The following MBNL2 variants were observed in gnomAD, a reference collection of about 807,000 sequenced individuals.
MBNL2 encodes muscleblind-like protein 2.
A neutral mutation model predicts 41.9 loss-of-function variants in MBNL2; 17 were observed. That is an observed-to-expected ratio of 0.41 (90% CI 0.28 to 0.61). The LOEUF (loss-of-function observed/expected upper bound fraction) is 0.61. Ranked by LOEUF, MBNL2 falls within the 20% of genes least tolerant of loss-of-function variation. MBNL2 has a pLI of 0.35. For synonymous variants in MBNL2, 195 were observed against 182.9 expected (o/e 1.07, Z -0.53); for missense variants, 336 against 505.6 (o/e 0.66, Z 3.22).
At chr13:97,267,467 G>C (rs1012199252) in intron 1 of MBNL2, among the ~76,000 whole-genome samples, 2 of 152,178 alleles carry the variant, frequency 1.3e-5, no homozygotes, top group Non-Finnish European at 2.9e-5. Flanking sequence ...TCGAACTTCA[G>C]TCTTGCCTTT....
chr13:97,320,899 G>A (rs916035628), intron 2 of MBNL2, among the ~76,000 whole-genome samples: 2 of 151,992 alleles, frequency 1.3e-5, no homozygotes, highest in South Asian at 2.1e-4. Flanking sequence ...TGGGCGACAG[G>A]ATAAGACTCT....
chr13:97,221,903 G>A (rs1356878829), upstream of MBNL2, among the ~76,000 whole-genome samples: 1 of 152,188 alleles, frequency 6.6e-6, no homozygotes, highest in African/African-American at 2.4e-5. Flanking sequence ...GGCAGACGTT[G>A]AATTATTTTT....
At chr13:97,288,578 G>T (rs1248053756) in intron 2 of MBNL2, among the ~76,000 whole-genome samples, 1 of 152,178 alleles carries the variant, frequency 6.6e-6, no homozygotes, top group Non-Finnish European at 1.5e-5. Context: ...GCATGCCCCT[G>T]GGACTGGGGA....
At chr13:97,293,342 T>C (rs1044825126) in intron 2 of MBNL2, among the ~76,000 whole-genome samples, 9 of 152,310 alleles carry the variant, frequency 5.9e-5, no homozygotes, top group Non-Finnish European at 1.2e-4. Flanking sequence ...TTTTTCTTTT[T>C]CCTTTGAAAT....
intron 8 of MBNL2, among the ~76,000 whole-genome samples, chr13:97,369,114 T>C (rs988175916): frequency 1.1e-4 from 17 of 152,206 alleles, no homozygotes; most frequent in Non-Finnish European, 1.2e-4. Context: ...TCTTTATGTA[T>C]TTTCAATAAG....
At chr13:97,367,337 G>T (rs1324918201) in intron 8 of MBNL2, among the ~76,000 whole-genome samples, 2 of 152,282 alleles carry the variant, frequency 1.3e-5, no homozygotes, top group Middle Eastern at 3.4e-3. Context: ...AGGAGACAGC[G>T]TGAGGGTGAG....
At position 97,334,008 on chromosome 13, in the gene MBNL2, AAGAG is replaced by A. The variant is rs144525170; in HGVS notation, c.175-261_175-258del. ...GGAGGGAAAGAAAGAGAAAGAGAGA[AAGAG>A]AGAGAGGGAGGGAGGGAGGGAAAAA... On this transcript the variant is annotated intron_variant, in intron 2 of 8. Transcript: ENST00000679496. The surrounding 1 kb of genome is among the most constrained non-coding windows in gnomAD (Gnocchi z 5.3). 4.2e-5 allele frequency among the ~76,000 whole-genome samples: 6 copies of A among 141,648 alleles called. No homozygotes were observed. In the South Asian group the frequency reaches 1.4e-3, roughly 34 times the overall value. 92.9% of individuals were successfully genotyped at this position (141,648 alleles called of 152,430 possible).
the MBNL2 span, among the ~76,000 whole-genome samples, chr13:97,189,266 ATC>A: frequency 6.6e-6 from 1 of 152,288 alleles, no homozygotes; most frequent in Admixed American, 6.5e-5. Flanking sequence ...AATTACCTGT[ATC>A]TCTCACTCAT....
At chr13:97,382,615 C>A (rs2065564075) in intron 8 of MBNL2, among the ~76,000 whole-genome samples, 1 of 152,060 alleles carries the variant, frequency 6.6e-6, no homozygotes, top group African/African-American at 2.4e-5. Flanking sequence ...GCCACCAGAC[C>A]CATTCACACC....
At chr13:97,388,518 CTCCCGCCAG>C (rs1308411945) in intron 8 of MBNL2, among the ~76,000 whole-genome samples, 1 of 152,080 alleles carries the variant, frequency 6.6e-6, no homozygotes, top group African/African-American at 2.4e-5. Context: ...TCTCCTCTCC[CTCCCGCCAG>C]TCCCCACAAG....
At chr13:97,384,317 C>G (rs756442478) in intron 8 of MBNL2, among the ~76,000 whole-genome samples, 14 of 152,202 alleles carry the variant, frequency 9.2e-5, no homozygotes, top group South Asian at 4.1e-4. Flanking sequence ...ACCATATATT[C>G]ACTAAGAGAC....
intron 7 of MBNL2, among the ~76,000 whole-genome samples, chr13:97,364,910 A>T (rs1235000029): frequency 6.6e-6 from 1 of 152,240 alleles, no homozygotes; most frequent in Non-Finnish European, 1.5e-5. Context: ...TATGAATAGA[A>T]AGTGTGAACA....
upstream of MBNL2, among the ~76,000 whole-genome samples, chr13:97,218,440 C>CAAAAAAAA (rs372883729): frequency 2.5e-5 from 3 of 117,966 alleles, no homozygotes; most frequent in South Asian, 2.6e-4. Context: ...CAAAACAAAA[C>CAAAAAAAA]AAAAAAAAAA....
chr13:97,238,107 A>C (rs1477048931), intron 1 of MBNL2, among the ~76,000 whole-genome samples: 3 of 152,236 alleles, frequency 2.0e-5, no homozygotes, highest in Non-Finnish European at 2.9e-5. Flanking sequence ...CTGATCATTA[A>C]GAGTTTGAAG....
chr13:97,285,831 G>A (rs143631468), intron 2 of MBNL2, among the ~76,000 whole-genome samples: 1 of 152,024 alleles, frequency 6.6e-6, no homozygotes, highest in Non-Finnish European at 1.5e-5. Context: ...CTCTCATCTG[G>A]TTTTCACCTC....
At chr13:97,173,135 G>T in the MBNL2 span, among the ~76,000 whole-genome samples, 1 of 152,170 alleles carries the variant, frequency 6.6e-6, no homozygotes, top group African/African-American at 2.4e-5. Flanking sequence ...ATAATATAAC[G>T]ATGAATGGAT....
chr13:97,193,043 C>T, the MBNL2 span, among the ~76,000 whole-genome samples: 4 of 152,198 alleles, frequency 2.6e-5, no homozygotes, highest in African/African-American at 7.2e-5. Context: ...TCTAAAGAAC[C>T]CTGACATTTT....
the MBNL2 span, among the ~76,000 whole-genome samples, chr13:97,152,369 G>GA: frequency 1.3e-5 from 2 of 151,454 alleles, no homozygotes; most frequent in South Asian, 2.1e-4. Context: ...AAACAGAGAG[G>GA]AAAAAAAATC....
At chr13:97,213,504 C>T in the MBNL2 span, among the ~76,000 whole-genome samples, 3,824 of 152,224 alleles carry the variant, frequency 0.025, 72 homozygotes, top group Non-Finnish European at 0.039. Flanking sequence ...AGAGGTCCTT[C>T]GGTAAAAACA....
Sources: gnomAD v4.1 joint callset for allele counts (sites outside exome capture counted in the v4.1 genomes callset) on GRCh38, gnomAD v4.1.1 for gene constraint, Gnocchi (gnomAD v3.1) non-coding constraint, MANE v1.5 for transcripts, NCBI Gene and HGNC (gene_info 2026-07-23, HGNC 2026-07-21) for gene names.